Variants in NRXN3 observed in about 807,000 individuals in gnomAD.
NRXN3 encodes neurexin III.
A neutral mutation model predicts 137.6 loss-of-function variants in NRXN3; 32 were observed. That is an observed-to-expected ratio of 0.23 (90% CI 0.18 to 0.31). NRXN3 has a LOEUF of 0.31. NRXN3 is among the 10% of genes least tolerant of loss of function. The pLI is 1.00. For synonymous variants in NRXN3, 798 were observed against 784.5 expected, an observed-to-expected ratio of 1.02 and a Z score of -0.29; for missense variants, 1,574 against 2,062.5, an observed-to-expected ratio of 0.76 and a Z score of 4.59.
intron 15 of NRXN3, among the ~76,000 whole-genome samples, chr14:79,335,296 C>T (rs2092159172): frequency 6.6e-6 from 1 of 152,084 alleles, no homozygotes; most frequent in South Asian, 2.1e-4. Flanking sequence ...TGTGCTTGCA[C>T]TGGGAGACTA....
intron 16 of NRXN3, among the ~76,000 whole-genome samples, chr14:79,534,120 G>A (rs2097192033): frequency 6.6e-6 from 1 of 152,146 alleles, no homozygotes; most frequent in Non-Finnish European, 1.5e-5. Flanking sequence ...CTGGAAAAGA[G>A]CTTAGAGATT....
At chr14:79,438,719 A>G (rs1371529031) in intron 15 of NRXN3, among the ~76,000 whole-genome samples, 1 of 152,268 alleles carries the variant, frequency 6.6e-6, no homozygotes, top group African/African-American at 2.4e-5. Context: ...GGAATGTGAA[A>G]TAAAAACTGG....
intron 15 of NRXN3, among the ~76,000 whole-genome samples, chr14:79,070,120 C>A (rs1386898856): frequency 1.3e-5 from 2 of 152,100 alleles, no homozygotes; most frequent in African/African-American, 4.8e-5. Flanking sequence ...CTCTAATTGG[C>A]CTTTGCATTG....
At chr14:79,092,271 A>G (rs1411753563) in intron 15 of NRXN3, among the ~76,000 whole-genome samples, 7 of 152,164 alleles carry the variant, frequency 4.6e-5, no homozygotes, top group African/African-American at 1.7e-4. Context: ...AGACCTCTCT[A>G]TTTTTTCTCT....
chr14:78,173,344 C>T, intron 1 of NRXN3, among the ~76,000 whole-genome samples: 1 of 151,970 alleles, frequency 6.6e-6, no homozygotes, highest in East Asian at 1.9e-4. Flanking sequence ...GGTGAGGGGG[C>T]TTGGTCGTAA....
chr14:79,630,836 T>C (rs1010476094), intron 16 of NRXN3, among the ~76,000 whole-genome samples: 4 of 152,238 alleles, frequency 2.6e-5, no homozygotes, highest in South Asian at 2.1e-4. Context: ...TCAAGACTTA[T>C]CTCTTCCTAT....
At chr14:78,453,322 A>T (rs899259209) in intron 4 of NRXN3, among the ~76,000 whole-genome samples, 2 of 152,242 alleles carry the variant, frequency 1.3e-5, no homozygotes, top group African/African-American at 2.4e-5. Context: ...GCCAACTAGG[A>T]CCATGCGGCC....
At chr14:79,395,967 T>C (rs1463729864) in intron 15 of NRXN3, among the ~76,000 whole-genome samples, 1 of 152,202 alleles carries the variant, frequency 6.6e-6, no homozygotes, top group Non-Finnish European at 1.5e-5. Context: ...AAGAATTGTA[T>C]TCATTTACAC....
intron 7 of NRXN3, among the ~76,000 whole-genome samples, chr14:78,714,340 G>A (rs983255180): frequency 1.3e-5 from 2 of 152,114 alleles, no homozygotes; most frequent in Non-Finnish European, 2.9e-5. Flanking sequence ...TATGAGGTGG[G>A]GACAGTTATT....
chr14:79,663,859 G>A lies in NRXN3; in HGVS notation c.3526G>A (p.Gly1176Ser). The change falls in exon 17 of 21, where the codon GGC (glycine) becomes AGC (serine). Residue 1176 changes from glycine to serine, a missense_variant. By Grantham distance (56) the Gly-to-Ser change is moderately conservative (BLOSUM62 0). This residue lies in a region of NRXN3 where 133 missense variants were observed against 241.8 expected (regional missense o/e 0.55). Coordinates refer to ENST00000335750, the MANE Select transcript of NRXN3 (RefSeq NM_001330195.2). ...AGAGGAGAGAACCCCTGTAAATGACGGCAAATACCATGTGGTACGCTTCAC... is the reference window on the plus strand; with the variant it reads ...AGAGGAGAGAACCCCTGTAAATGACAGCAAATACCATGTGGTACGCTTCAC... ...IKEERTPVND[G>S]KYHVVRFTRN... 1 of 1,613,530 alleles carries A rather than the reference G, an allele frequency of 6.2e-7. No individual in the cohort carries two copies. The highest frequency in any genetic ancestry group is 1.3e-5 in the African/African-American group (1 of 75,006).
intron 10 of NRXN3, among the ~76,000 whole-genome samples, chr14:78,956,652 T>A (rs2099397341): frequency 6.6e-6 from 1 of 152,196 alleles, no homozygotes; most frequent in African/African-American, 2.4e-5. Flanking sequence ...GGAGCATTAT[T>A]TATGATGGGG....
At chr14:79,085,711 T>C (rs964497615) in intron 15 of NRXN3, among the ~76,000 whole-genome samples, 5 of 152,142 alleles carry the variant, frequency 3.3e-5, no homozygotes, top group Non-Finnish European at 7.3e-5. Flanking sequence ...TAGAATTAGA[T>C]GGCGAGAAGA....
At chr14:79,275,090 G>A (rs1316988310) in intron 15 of NRXN3, among the ~76,000 whole-genome samples, 1 of 152,074 alleles carries the variant, frequency 6.6e-6, no homozygotes, top group Admixed American at 6.6e-5. Context: ...GAATTATGTG[G>A]CTATAAATAA....
intron 15 of NRXN3, among the ~76,000 whole-genome samples, chr14:78,990,830 G>A (rs1567919427): frequency 6.6e-6 from 1 of 152,136 alleles, no homozygotes; most frequent in Non-Finnish European, 1.5e-5. Context: ...CAAGTTATCT[G>A]GAAGACCTTC....
intron 19 of NRXN3, among the ~76,000 whole-genome samples, chr14:79,729,338 A>G (rs2098912735): frequency 6.6e-6 from 1 of 152,152 alleles, no homozygotes; most frequent in African/African-American, 2.4e-5. Flanking sequence ...CTATTTTCCA[A>G]TCAGTGGGAG....
At chr14:78,448,945 C>T (rs1010025358) in intron 4 of NRXN3, among the ~76,000 whole-genome samples, 4 of 152,298 alleles carry the variant, frequency 2.6e-5, no homozygotes, top group East Asian at 1.9e-4. Context: ...TCAGTTCCTG[C>T]GTAAGTTCAG....
intron 15 of NRXN3, among the ~76,000 whole-genome samples, chr14:79,080,430 G>A (rs1017087611): frequency 6.6e-5 from 10 of 152,146 alleles, no homozygotes; most frequent in Admixed American, 6.5e-4. Context: ...ACCATAGATG[G>A]AGACTCTTTG....
chr14:79,308,885 ATTTTATTTTT>A (rs1475285777), intron 15 of NRXN3, among the ~76,000 whole-genome samples: 19 of 68,886 alleles, frequency 2.8e-4, no homozygotes, highest in African/African-American at 8.6e-4. Context: ...ATTTTATTTT[ATTTTATTTTT>A]TTTTATTTTA....
intron 6 of NRXN3, among the ~76,000 whole-genome samples, chr14:78,663,787 A>G (rs2097859309): frequency 6.6e-6 from 1 of 152,138 alleles, no homozygotes; most frequent in Admixed American, 6.6e-5. Context: ...CAGCAAATGT[A>G]ATCTACCACA....
Sources: gnomAD v4.1 joint callset for allele counts (sites outside exome capture counted in the v4.1 genomes callset) on GRCh38, gnomAD v4.1.1 for gene constraint, gnomAD v4.1.1 regional missense constraint, MANE v1.5 for transcripts, NCBI Gene and HGNC (gene_info 2026-07-23, HGNC 2026-07-21) for gene names.